The following AGMO variants were observed in gnomAD, a reference collection of about 807,000 sequenced individuals.
AGMO encodes the protein glyceryl-ether monooxygenase.
A neutral mutation model predicts 60.2 loss-of-function variants in AGMO; 75 were observed. That is an observed-to-expected ratio of 1.25 (90% CI 1.03 to 1.51). The LOEUF is 1.51. Among genes scored for constraint, AGMO ranks in the 40% most tolerant of loss-of-function variants. The pLI, the probability that AGMO is intolerant of heterozygous loss-of-function variation, is 0.00. For synonymous variants in AGMO, 261 were observed against 177.1 expected (o/e 1.47, Z -3.76); for missense variants, 763 against 525.5 (o/e 1.45, Z -4.42).
chr7:15,383,531 T>C (rs942085947), intron 10 of AGMO, among the ~76,000 whole-genome samples: 1 of 152,172 alleles, frequency 6.6e-6, no homozygotes, highest in Non-Finnish European at 1.5e-5. Context: ...ATACAGAATA[T>C]ATAGAACTGT....
chr7:15,454,405 G>A (rs988568750), intron 3 of AGMO, among the ~76,000 whole-genome samples: 1 of 150,554 alleles, frequency 6.6e-6, no homozygotes, highest in African/African-American at 2.5e-5. Flanking sequence ...ACACAAAGTG[G>A]CAACTATGTG....
intron 3 of AGMO, among the ~76,000 whole-genome samples, chr7:15,520,908 G>C (rs577419006): frequency 2.0e-5 from 3 of 152,024 alleles, no homozygotes; most frequent in Non-Finnish European, 4.4e-5. Context: ...ATGAATACAA[G>C]AGCAGATTTT....
chr7:15,561,681 C>A (rs779561708), intron 1 of AGMO, 39 bp downstream of exon 1: 3 of 1,531,182 alleles, frequency 2.0e-6, no homozygotes, highest in Admixed American at 2.0e-5. Flanking sequence ...ATTAAGAAAG[C>A]AGCAAGAATA....
intron 3 of AGMO, among the ~76,000 whole-genome samples, chr7:15,439,700 C>G (rs2128501448): frequency 6.6e-6 from 1 of 152,204 alleles, no homozygotes; most frequent in Non-Finnish European, 1.5e-5. Flanking sequence ...TTGTTTTTCC[C>G]AAAATGTAGG....
chr7:15,545,971 T>C (rs1784771303), intron 2 of AGMO, among the ~76,000 whole-genome samples: 1 of 152,232 alleles, frequency 6.6e-6, no homozygotes, highest in South Asian at 2.1e-4. Flanking sequence ...TTAAATATTC[T>C]AATTTTAGAT....
intron 3 of AGMO, among the ~76,000 whole-genome samples, chr7:15,462,319 C>T (rs1782163630): frequency 6.6e-6 from 1 of 152,088 alleles, no homozygotes; most frequent in Non-Finnish European, 1.5e-5. Context: ...GCTGCAGAGA[C>T]AGATTCAAGC....
At chr7:15,398,118 A>G (rs1784460549) in intron 5 of AGMO, among the ~76,000 whole-genome samples, 1 of 152,188 alleles carries the variant, frequency 6.6e-6, no homozygotes, top group African/African-American at 2.4e-5. Context: ...GTGTTACAAA[A>G]ACAAACAACA....
At chr7:15,203,575 G>C (rs1781362442) in intron 12 of AGMO, among the ~76,000 whole-genome samples, 1 of 150,514 alleles carries the variant, frequency 6.6e-6, no homozygotes, top group Non-Finnish European at 1.5e-5. Flanking sequence ...ATGTACAACT[G>C]GTTAAGCCTA....
the AGMO span, among the ~76,000 whole-genome samples, chr7:15,183,741 G>A: frequency 1.3e-5 from 2 of 152,180 alleles, no homozygotes; most frequent in African/African-American, 4.8e-5. Context: ...GTAATCTGTA[G>A]CATCTATCAC....
the AGMO span, among the ~76,000 whole-genome samples, chr7:15,191,969 TCTCTCACA>T: frequency 0.06 from 4,413 of 73,456 alleles, 208 homozygotes; most frequent in African/African-American, 0.18. Context: ...CCTCTGTCTC[TCTCTCACA>T]CACACACACA....
In AGMO at chr7:15,486,395, C is replaced by T. The variant is rs142402125; in HGVS notation, c.410-55287G>A. ...TTTCTCAGGAACTGAAGTAAACAAG[C>T]TTGAGAAAGTGACAATATCTGGTAA... On this transcript the variant is annotated intron_variant, in intron 3 of 12. Transcript: ENST00000342526. Among the ~76,000 whole-genome samples, 252 of 152,212 alleles carry T rather than the reference C, an allele frequency of 1.7e-3. 2 individuals carry two copies. The highest frequency in any genetic ancestry group is 3.4e-3 in the Middle Eastern group (1 of 294).
At chr7:15,366,312 T>G (rs745418764) in intron 10 of AGMO, 90 bp from the exon 11 acceptor site, 30 of 833,464 alleles carry the variant, frequency 3.6e-5, no homozygotes, top group Non-Finnish European at 4.8e-5. Flanking sequence ...AGCCCAAATT[T>G]TATGTCCTGT....
At chr7:15,437,189 A>C (rs1386979075) in intron 3 of AGMO, among the ~76,000 whole-genome samples, 2 of 152,186 alleles carry the variant, frequency 1.3e-5, no homozygotes, top group African/African-American at 4.8e-5. Context: ...TTCTTTCACT[A>C]TTCTTTATTC....
At chr7:15,171,067 C>G in the AGMO span, among the ~76,000 whole-genome samples, 1 of 152,078 alleles carries the variant, frequency 6.6e-6, no homozygotes, top group Non-Finnish European at 1.5e-5. Context: ...GCTCCGTCTC[C>G]CAGGACGGAG....
At chr7:15,346,555 T>A (rs559627852) in intron 12 of AGMO, among the ~76,000 whole-genome samples, 17 of 151,734 alleles carry the variant, frequency 1.1e-4, no homozygotes, top group Admixed American at 2.0e-4. Flanking sequence ...AAAGCAACAC[T>A]GTATTGTCAC....
At chr7:15,185,138 C>A in the AGMO span, among the ~76,000 whole-genome samples, 1 of 152,028 alleles carries the variant, frequency 6.6e-6, no homozygotes, top group Non-Finnish European at 1.5e-5. Context: ...TTTATATTCA[C>A]ATTCTAATAC....
the AGMO span, among the ~76,000 whole-genome samples, chr7:15,155,303 T>A: frequency 1.1e-4 from 16 of 152,084 alleles, no homozygotes; most frequent in African/African-American, 3.9e-4. Flanking sequence ...TTAAAAAATT[T>A]TTTTCTTTAT....
At chr7:15,179,004 A>C in the AGMO span, among the ~76,000 whole-genome samples, 19 of 152,212 alleles carry the variant, frequency 1.2e-4, no homozygotes, top group East Asian at 3.5e-3. Flanking sequence ...TAATGGCATT[A>C]ATTTATTCAT....
chr7:15,351,252 T>A (rs2128553897), intron 12 of AGMO, among the ~76,000 whole-genome samples: 1 of 152,268 alleles, frequency 6.6e-6, no homozygotes. Context: ...TGTTTTTACA[T>A]ATGTAGATAA....
Sources: gnomAD v4.1 joint callset for allele counts (sites outside exome capture counted in the v4.1 genomes callset) on GRCh38, gnomAD v4.1.1 for gene constraint, MANE v1.5 for transcripts, NCBI Gene and HGNC (gene_info 2026-07-23, HGNC 2026-07-21) for gene names.